KIF13A: variants seen among roughly 807,000 people sequenced by gnomAD.
KIF13A encodes kinesin-like protein KIF13A.
Under a neutral mutation model 212.2 loss-of-function variants are expected in KIF13A, and 79 were observed. The ratio of observed to expected loss-of-function variants is 0.37; its 90% confidence interval spans 0.31 to 0.45. KIF13A has a LOEUF of 0.45. KIF13A is among the 20% of genes least tolerant of loss of function. The pLI is 1.00. For missense variants in KIF13A, 1,901 were observed against 2,209.0 expected, an observed-to-expected ratio of 0.86 and a Z score of 2.79; for synonymous variants, 789 against 808.6, an observed-to-expected ratio of 0.98 and a Z score of 0.41.
chr6:17,956,905 G>C (rs958616952), intron 2 of KIF13A, among the ~76,000 whole-genome samples: 1 of 151,642 alleles, frequency 6.6e-6, no homozygotes, highest in African/African-American at 2.4e-5. Context: ...TTTTTTAGAC[G>C]GAGTCTCACT....
At chr6:17,917,304 G>A (rs1305722866) in intron 2 of KIF13A, among the ~76,000 whole-genome samples, 4 of 137,196 alleles carry the variant, frequency 2.9e-5, no homozygotes, top group Admixed American at 8.3e-5. Context: ...ACAGTGGCAC[G>A]ACCTCAGCTC....
chr6:17,891,082 T>C (rs181296912), intron 3 of KIF13A, among the ~76,000 whole-genome samples: 68 of 152,272 alleles, frequency 4.5e-4, no homozygotes, highest in African/African-American at 1.5e-3. Flanking sequence ...AAGCCTCTTT[T>C]TTCCCCCTGT....
rs750631694 is a variant in KIF13A, at chr6:17,914,115, C to T, written c.147-15935G>A. Among the ~76,000 whole-genome samples the T allele has an allele frequency of 1.6e-4, 25 of 152,146 alleles. No individual in the cohort carries two copies. Among genetic ancestry groups the T allele is most frequent in the Admixed American group, 1.6e-3 (24 of 15,280 alleles). ...AAATGGTCCTTTATCACAGATGTTTCGAGAAGCACATAATCCAAGGCCATT... is the reference window on the plus strand; with the variant it reads ...AAATGGTCCTTTATCACAGATGTTTTGAGAAGCACATAATCCAAGGCCATT... On this transcript the variant is annotated intron_variant, in intron 2 of 38. Transcript: ENST00000259711. The surrounding 1 kb of genome is among the most constrained non-coding windows in gnomAD (Gnocchi z 5.9).
At chr6:17,924,322 G>A (rs1775317994) in intron 2 of KIF13A, among the ~76,000 whole-genome samples, 1 of 152,056 alleles carries the variant, frequency 6.6e-6, no homozygotes, top group Admixed American at 6.5e-5. Flanking sequence ...GACATTTTAG[G>A]GATTTTTCTG....
At chr6:17,833,848 T>TC in intron 12 of KIF13A, 113 bp downstream of exon 12, 1 of 466,668 alleles carries the variant, frequency 2.1e-6, no homozygotes, top group Non-Finnish European at 3.4e-6. Context: ...AGAGTGAGAC[T>TC]CCGTCTCAAA....
rs181876983 is a variant in KIF13A, at chr6:17,903,562, T to C, written c.147-5382A>G. The stretch of plus-strand genomic sequence containing the variant: ...ACGTGACTTTTGAAATATATATTTA[T>C]GTAAGTGCTTTAAGAGGTACAAACA... On this transcript the variant is annotated intron_variant, in intron 2 of 38. Transcript: ENST00000259711. Among the ~76,000 whole-genome samples, 4 of 152,296 alleles carry C rather than the reference T, an allele frequency of 2.6e-5. No homozygotes were observed. In the East Asian group the frequency reaches 5.8e-4, roughly 22 times the overall value.
At position 17,839,812 on chromosome 6, in the gene KIF13A, A is replaced by T. The variant is rs1486265013; in HGVS notation, c.831-2229T>A. 6.6e-6 allele frequency among the ~76,000 whole-genome samples: 1 copy of T among 152,182 alleles called. No individual in the cohort carries two copies. The highest frequency in any genetic ancestry group is 1.5e-5 in the Non-Finnish European group (1 of 68,028). ...GGGAACGCCGAGGATTGATGGCCCT[A>T]CAGAAACAAGGGGAGAGGCATGGAA... On this transcript the variant is annotated intron_variant, in intron 9 of 38. Transcript: ENST00000259711. This position sits in a 1 kb window ranked among gnomAD's most constrained non-coding sequence, Gnocchi z 4.3.
intron 17 of KIF13A, chr6:17,815,448 G>T (rs901024356): frequency 6.0e-6 from 1 of 167,520 alleles, no homozygotes; most frequent in Non-Finnish European, 1.3e-5. Flanking sequence ...CCCAGGCACT[G>T]ACGCTACTGC....
chr6:17,805,841 T>A (rs1454812327), intron 18 of KIF13A, among the ~76,000 whole-genome samples: 1 of 152,122 alleles, frequency 6.6e-6, no homozygotes, highest in East Asian at 1.9e-4. Context: ...AACAAAAGTA[T>A]AACTTCATAC....
intron 2 of KIF13A, among the ~76,000 whole-genome samples, chr6:17,938,681 T>C (rs1017259292): frequency 6.6e-6 from 1 of 152,208 alleles, no homozygotes; most frequent in African/African-American, 2.4e-5. Context: ...GAATCTAGTA[T>C]TTCGTTTTCT....
chr6:17,908,342 A>G (rs996417145), intron 2 of KIF13A, among the ~76,000 whole-genome samples: 48 of 152,212 alleles, frequency 3.2e-4, no homozygotes, highest in African/African-American at 1.1e-3. Context: ...GCTCATGACT[A>G]TAATACCAGC....
chr6:17,979,210 T>C (rs981578907), intron 2 of KIF13A, among the ~76,000 whole-genome samples: 3 of 152,114 alleles, frequency 2.0e-5, no homozygotes, highest in African/African-American at 4.8e-5. Flanking sequence ...CAAGAATCGA[T>C]TGAACCTGGG....
chr6:17,796,191 T>C (rs945256577), intron 23 of KIF13A, among the ~76,000 whole-genome samples: 4 of 151,566 alleles, frequency 2.6e-5, no homozygotes, highest in Non-Finnish European at 4.4e-5. Flanking sequence ...CTTTTTTTTT[T>C]TTTCTTTCCT....
intron 17 of KIF13A, among the ~76,000 whole-genome samples, chr6:17,813,710 C>T (rs1347381286): frequency 1.3e-5 from 2 of 152,090 alleles, no homozygotes; most frequent in Non-Finnish European, 2.9e-5. Flanking sequence ...CATCTCATTG[C>T]TAGTGAGAGC....
intron 19 of KIF13A, 90 bp downstream of exon 19, chr6:17,805,385 G>C: frequency 3.9e-6 from 1 of 258,436 alleles, no homozygotes; most frequent in South Asian, 4.2e-5. Flanking sequence ...GTGTGTGTGT[G>C]TGTGTGTGTG....
chr6:17,831,476 G>C (rs1210769860), intron 12 of KIF13A, among the ~76,000 whole-genome samples: 1 of 151,620 alleles, frequency 6.6e-6, no homozygotes, highest in African/African-American at 2.4e-5. Flanking sequence ...ATCTAGTAGA[G>C]GGAACAAGAC....
At chr6:17,792,121 C>G (rs547562610) in intron 25 of KIF13A, among the ~76,000 whole-genome samples, 33 of 136,296 alleles carry the variant, frequency 2.4e-4, no homozygotes, top group African/African-American at 8.5e-4. Context: ...GAGAATCGCT[C>G]GAACCCAGGA....
intron 30 of KIF13A, 21 bp from the exon 31 acceptor site, chr6:17,780,927 A>G: frequency 1.9e-6 from 3 of 1,605,746 alleles, no homozygotes; most frequent in South Asian, 2.2e-5. Context: ...GGGAATGATG[A>G]GGAGATGGAA....
At chr6:17,819,600 C>A (rs1489391377) in intron 16 of KIF13A, among the ~76,000 whole-genome samples, 1 of 146,070 alleles carries the variant, frequency 6.8e-6, no homozygotes, top group Non-Finnish European at 1.5e-5. Context: ...GGGGAAAAAA[C>A]CCAAACCAAA....
Sources: allele counts gnomAD v4.1 joint callset (sites outside exome capture counted in the v4.1 genomes callset), GRCh38; gene constraint gnomAD v4.1.1; non-coding constraint Gnocchi (gnomAD v3.1); transcripts MANE v1.5; gene names NCBI Gene and HGNC (gene_info 2026-07-23, HGNC 2026-07-21).